Variants in CAPN14 observed in about 807,000 individuals in gnomAD.
CAPN14 encodes calpain-14.
A neutral mutation model predicts 101.3 loss-of-function variants in CAPN14; 94 were observed. The ratio of observed to expected loss-of-function variants is 0.93; its 90% CI spans 0.79 to 1.10. The LOEUF (loss-of-function observed/expected upper bound fraction) is 1.10. CAPN14 is among the 50% of genes least tolerant of loss of function. The pLI, the probability that CAPN14 is intolerant of heterozygous loss-of-function variation, is 0.00. For synonymous variants in CAPN14, 338 were observed against 317.9 expected (o/e 1.06, Z -0.67); for missense variants, 837 against 828.4 (o/e 1.01, Z -0.13).
At chr2:31,222,110 G>A (rs1248293545), upstream of CAPN14, among the ~76,000 whole-genome samples, 1 of 152,124 alleles carries the variant, frequency 6.6e-6, no homozygotes, top group Admixed American at 6.5e-5. Context: ...GAGTTGTGTG[G>A]GCAAAAGTTT....
intron 16 of CAPN14, among the ~76,000 whole-genome samples, chr2:31,183,023 A>T (rs1680726898): frequency 6.6e-6 from 1 of 152,230 alleles, no homozygotes; most frequent in African/African-American, 2.4e-5. Flanking sequence ...GCCCTCAGAA[A>T]TAACGCCGCT....
intron 6 of CAPN14, 36 bp downstream of exon 6, chr2:31,200,415 G>A: frequency 6.5e-7 from 1 of 1,527,750 alleles, no homozygotes. Context: ...GGGTGCAGGA[G>A]AAGAGGACAT....
intron 18 of CAPN14, 49 bp downstream of exon 18, chr2:31,178,462 C>T (rs1680422232): frequency 7.2e-7 from 1 of 1,398,186 alleles, no homozygotes; most frequent in Non-Finnish European, 9.9e-7. Context: ...TGCAGAACTG[C>T]CATTCCTACA....
chr2:31,174,460 T>C lies in CAPN14; in HGVS notation c.*221A>G. On this transcript the variant is annotated 3_prime_UTR_variant, in exon 22 of 22. Transcript: ENST00000403897. ...GGCCTCAGGGAAGGATGGCTAGCTT[T>C]TACAAATCTGATGTAATCTTTACTT... 1.7e-6 allele frequency: 1 copy of C among 600,502 alleles called. No homozygotes were observed. The highest frequency in any genetic ancestry group is 2.0e-5 in the South Asian group (1 of 50,196). 37.2% of individuals were successfully genotyped at this position (600,502 alleles called of 1,614,324 possible). A position where few individuals can be genotyped will look rare whatever the true frequency, so the allele number is the denominator to read the frequency against.
At chr2:31,201,058 C>T (rs547651949) in intron 5 of CAPN14, among the ~76,000 whole-genome samples, 8 of 152,222 alleles carry the variant, frequency 5.3e-5, no homozygotes, top group African/African-American at 1.7e-4. Flanking sequence ...TCTCTCTTTC[C>T]GCCTGGGCCC....
intron 1 of CAPN14, among the ~76,000 whole-genome samples, chr2:31,229,245 T>C (rs2148710440): frequency 6.6e-6 from 1 of 152,268 alleles, no homozygotes; most frequent in East Asian, 1.9e-4. Flanking sequence ...TGTAAATTGC[T>C]GCTAATTTTT....
intron 12 of CAPN14, among the ~76,000 whole-genome samples, chr2:31,190,136 A>T (rs974386166): frequency 1.0e-5 from 1 of 98,156 alleles, no homozygotes; most frequent in African/African-American, 6.0e-5. Flanking sequence ...TCTGATTCAT[A>T]TTCTCTCTCT....
At chr2:31,181,398 TTTTCTTTCTTTCTTTCTTTCTTTC>T (rs538044256) in intron 16 of CAPN14, among the ~76,000 whole-genome samples, 7 of 134,980 alleles carry the variant, frequency 5.2e-5, no homozygotes, top group African/African-American at 1.7e-4. Flanking sequence ...TTCTTTCTTT[TTTTCTTTCTTTCTTTCTTTCTTTC>T]TTTCTTTCTT....
chr2:31,197,367 G>C (rs1681519968), intron 7 of CAPN14, 33 bp from the exon 8 acceptor site: 1 of 1,434,554 alleles, frequency 7.0e-7, no homozygotes, highest in Non-Finnish European at 9.6e-7. Context: ...TAGGTGACTG[G>C]GCTGAGTGCA....
At chr2:31,192,206 A>C in intron 10 of CAPN14, 108 bp from the exon 11 acceptor site, 1 of 1,262,836 alleles carries the variant, frequency 7.9e-7, no homozygotes, top group Non-Finnish European at 1.1e-6. Context: ...CAGGATTGAC[A>C]CCCTGAGGCC....
At chr2:31,193,839 C>T (rs1258690278) in intron 9 of CAPN14, among the ~76,000 whole-genome samples, 3 of 152,098 alleles carry the variant, frequency 2.0e-5, no homozygotes, top group African/African-American at 4.8e-5. Flanking sequence ...GCAGGCTGTA[C>T]TGGATGGTTA....
At chr2:31,202,288 A>G in intron 3 of CAPN14, 36 bp from the exon 4 acceptor site, 2 of 1,498,882 alleles carry the variant, frequency 1.3e-6, no homozygotes, top group Non-Finnish European at 1.8e-6. Context: ...GCATGAATCT[A>G]CTGGGGACTT....
At chr2:31,187,217 C>T (rs970829031) in intron 15 of CAPN14, among the ~76,000 whole-genome samples, 6 of 152,252 alleles carry the variant, frequency 3.9e-5, no homozygotes, top group South Asian at 2.1e-4. Flanking sequence ...TCCAGAGCCC[C>T]GCACTCACAC....
intron 1 of CAPN14, among the ~76,000 whole-genome samples, chr2:31,229,642 G>A (rs992149729): frequency 2.5e-4 from 34 of 136,282 alleles, no homozygotes; most frequent in Non-Finnish European, 4.2e-4. Context: ...TGGCGCCACT[G>A]CACTCCAGCC....
At chr2:31,207,323 C>T (rs1682151239) in intron 1 of CAPN14, among the ~76,000 whole-genome samples, 1 of 152,162 alleles carries the variant, frequency 6.6e-6, no homozygotes. Context: ...CATTGTCTGC[C>T]CCATTGGGCA....
At chr2:31,212,171 G>A (rs183169740) in intron 1 of CAPN14, among the ~76,000 whole-genome samples, 27 of 152,094 alleles carry the variant, frequency 1.8e-4, no homozygotes, top group Non-Finnish European at 1.5e-4. Flanking sequence ...TTAGCTGGGC[G>A]CTGTGGTGGG....
chr2:31,190,559 G>A (rs1681127820), intron 12 of CAPN14, among the ~76,000 whole-genome samples: 1 of 152,068 alleles, frequency 6.6e-6, no homozygotes, highest in African/African-American at 2.4e-5. Flanking sequence ...ATTTTTCAAT[G>A]GCTTTGAAAT....
intron 2 of CAPN14, among the ~76,000 whole-genome samples, chr2:31,204,282 A>G (rs142175907): frequency 2.6e-5 from 4 of 152,330 alleles, no homozygotes; most frequent in African/African-American, 4.8e-5. Context: ...GAGATCAATG[A>G]CAGTAAGACC....
At chr2:31,209,787 T>A (rs1029501144) in intron 1 of CAPN14, among the ~76,000 whole-genome samples, 16 of 152,188 alleles carry the variant, frequency 1.1e-4, no homozygotes, top group Non-Finnish European at 2.9e-5. Context: ...CTGTATTCCA[T>A]CATGCCATGT....
Sources: gnomAD v4.1 joint callset for allele counts (sites outside exome capture counted in the v4.1 genomes callset) on GRCh38, gnomAD v4.1.1 for gene constraint, MANE v1.5 for transcripts, NCBI Gene and HGNC (gene_info 2026-07-23, HGNC 2026-07-21) for gene names.